The following PPP1R16A variants were observed in gnomAD, a reference collection of about 807,000 sequenced individuals.
PPP1R16A encodes the protein protein phosphatase 1 regulatory subunit 16A, also known as myosin phosphatase-targeting subunit 3.
PPP1R16A carries 39 observed loss-of-function variants against 46.6 expected under a neutral mutation model. The ratio of observed to expected loss-of-function variants is 0.84; its 90% CI spans 0.65 to 1.09. PPP1R16A has a LOEUF of 1.09. PPP1R16A is among the 50% of genes least tolerant of loss of function. The pLI is 0.00. For synonymous variants in PPP1R16A, 413 were observed against 321.5 expected (o/e 1.28, Z -3.04); for missense variants, 798 against 735.6 (o/e 1.08, Z -0.98).
At chr8:144,484,050 G>C (rs376009275) in intron 1 of PPP1R16A, among the ~76,000 whole-genome samples, 2 of 152,240 alleles carry the variant, frequency 1.3e-5, no homozygotes, top group Admixed American at 6.5e-5. Context: ...TGTCACCTGC[G>C]CCCTAGGTTG....
Position 144,499,314 on chromosome 8 carries a change from C to G in PPP1R16A, c.476+253C>G, listed in dbSNP as rs374196607. The stretch of plus-strand genomic sequence containing the variant: ...GAGAGGGCAGGCCTCGGGCCCCCCC[C>G]CAGAGTGTGCACAGAGAAATGTCTT... On this transcript the variant is annotated intron_variant, in intron 5 of 11. Transcript: ENST00000435887. 15 of 543,912 alleles carry G rather than the reference C, an allele frequency of 2.8e-5. 1 individual carries two copies. Among genetic ancestry groups the G allele is most frequent in the South Asian group, 8.3e-5 (3 of 36,280 alleles). The allele number at this position is 543,912 out of a possible 1,614,324, so 33.7% of individuals were successfully genotyped here.
rs747518192 is a variant in PPP1R16A, at chr8:144,500,088, C to G, written c.477-8C>G. ...TTGTGCCCAGCACCCCGTCCGTCTT[C>G]CCTGCAGTGGCGCCAATCTCCTGGC... On this transcript the variant is annotated splice_region_variant and splice_polypyrimidine_tract_variant and intron_variant, in intron 5 of 11. Transcript: ENST00000435887. 6.2e-7 allele frequency: 1 copy of G among 1,603,910 alleles called. No individual in the cohort carries two copies. Among genetic ancestry groups the G allele is most frequent in the South Asian group, 1.1e-5 (1 of 89,406 alleles).
In PPP1R16A at chr8:144,478,078, C is replaced by A; in HGVS notation, c.-963C>A. 2.5e-6 allele frequency: 1 copy of A among 395,818 alleles called. No individual in the cohort carries two copies. 24.5% of individuals were successfully genotyped at this position (395,818 alleles called of 1,614,324 possible). A position where few individuals can be genotyped will look rare whatever the true frequency, so the allele number is the denominator to read the frequency against. ...CTCAGGGAGCGCGGGGCCCACTGAC[C>A]CGCGGAAGCCAGCGGACCCACTTGT... On this transcript the variant is annotated 5_prime_UTR_variant, in exon 1 of 12. Coordinates refer to ENST00000435887, the MANE Select transcript of PPP1R16A (RefSeq NM_001329443.2).
rs753705080 is a variant in PPP1R16A, at chr8:144,500,707, G to C, written c.853G>C (p.Val285Leu). 13 of 1,611,546 alleles carry C rather than the reference G, an allele frequency of 8.1e-6. No individual in the cohort carries two copies. The Admixed American group carries it at 2.2e-4, about 27-fold the overall frequency. Residue 285 changes from valine to leucine, a missense_variant, in exon 9 of 12, where the codon GTG becomes CTG. By Grantham distance (32) the Val-to-Leu change is conservative. Coordinates refer to ENST00000435887, the MANE Select transcript of PPP1R16A (RefSeq NM_001329443.2). ...WGQVPLVELL[V>L]AHGADLNAKS... ...ACAGGTGCCCCTGGTGGAGCTGCTC[G>C]TGGCGCACGGGGCCGACCTGAACGC...
At chr8:144,495,297 G>A (rs867797742) in intron 2 of PPP1R16A, among the ~76,000 whole-genome samples, 1 of 152,002 alleles carries the variant, frequency 6.6e-6, no homozygotes, top group African/African-American at 2.4e-5. Context: ...AAAGAAGGGG[G>A]CATTCTATGA....
In PPP1R16A at chr8:144,501,125, C is replaced by T. The variant is rs764375709; in HGVS notation, c.1038-4C>T. On this transcript the variant is annotated splice_region_variant and splice_polypyrimidine_tract_variant and intron_variant, in intron 10 of 11. Transcript: ENST00000435887. ...CCTCACTCCCTCTCCTCTCTCCTCCCCAGGAAGGTGGTGAGGCGGGTGAGC... is the reference window on the plus strand; with the variant it reads ...CCTCACTCCCTCTCCTCTCTCCTCCTCAGGAAGGTGGTGAGGCGGGTGAGC... 58 of 1,610,588 alleles carry T rather than the reference C, an allele frequency of 3.6e-5. No individual in the cohort carries two copies. Among genetic ancestry groups the T allele is most frequent in the East Asian group, 6.7e-5 (3 of 44,862 alleles).
rs762290090 is a variant in PPP1R16A at position 144,501,133 on chromosome 8, G to A, written c.1042G>A (p.Val348Met). 64 of 1,610,858 alleles carry A rather than the reference G, an allele frequency of 4.0e-5. 1 individual carries two copies. Among genetic ancestry groups the A allele is most frequent in the Non-Finnish European group, 4.7e-5 (55 of 1,179,648 alleles). The change falls in exon 11 of 12, where the codon GTG becomes ATG. Residue 348 changes from valine to methionine, a missense_variant. By Grantham distance (21) the Val-to-Met change is conservative. Coordinates refer to ENST00000435887, the MANE Select transcript of PPP1R16A (RefSeq NM_001329443.2). ...CCTCTCCTCTCTCCTCCCCAGGAAG[G>A]TGGTGAGGCGGGTGAGCCTAACCCA... ...RTSSAGSRGK[V>M]VRRVSLTQRT... is the part of the protein sequence containing the mutation.
chr8:144,501,431 T>C, intron 11 of PPP1R16A, 89 bp from the exon 12 acceptor site: 2 of 1,480,928 alleles, frequency 1.4e-6, no homozygotes, highest in Non-Finnish European at 1.8e-6. Context: ...ATCTCTCCTG[T>C]CTGTCCCTTC....
chr8:144,487,554 AGAT>A (rs1351428416), intron 1 of PPP1R16A, among the ~76,000 whole-genome samples: 1 of 152,080 alleles, frequency 6.6e-6, no homozygotes, highest in Non-Finnish European at 1.5e-5. Context: ...AATTTTGTAG[AGAT>A]GAGAGTCTCC....
chr8:144,501,175 C>T lies in PPP1R16A; in HGVS notation c.1084C>T (p.Arg362Cys). 6.2e-7 allele frequency: 1 copy of T among 1,610,710 alleles called. No homozygotes were observed. The highest frequency in any genetic ancestry group is 1.1e-5 in the South Asian group (1 of 91,070). The change falls in exon 11 of 12, where the codon CGC becomes TGC. Residue 362 changes from arginine to cysteine, a missense_variant. By Grantham distance (180) the Arg-to-Cys change is radical. Transcript: ENST00000435887. The part of the protein sequence containing the change: ...VSLTQRTDLY[R>C]KQHAQEAIVW... ...CCTAACCCAGCGCACCGACCTGTAC[C>T]GCAAGCAGCACGCCCAGGAGGCCAT...
At chr8:144,479,554 C>A (rs888157606) in intron 1 of PPP1R16A, among the ~76,000 whole-genome samples, 1 of 152,132 alleles carries the variant, frequency 6.6e-6, no homozygotes, top group Admixed American at 6.5e-5. Flanking sequence ...GGGGCTCCTC[C>A]TGTATGACTG....
Position 144,497,228 on chromosome 8 carries a change from C to T in PPP1R16A, c.34C>T (p.Pro12Ser). The change falls in exon 3 of 12, where the codon CCC becomes TCC. Residue 12 changes from proline to serine, a missense_variant. Transcript: ENST00000435887. ...GCACCTGGAGCTGCTGGCAGAGATG[C>T]CCATGGTGGGCAGGATGAGCACACA... is the stretch of plus-strand genomic sequence containing the variant. ...AEHLELLAEM[P>S]MVGRMSTQER... is the part of the protein sequence containing the mutation. The T allele has an allele frequency of 6.3e-7, 1 of 1,597,558 alleles. No homozygotes were observed. Among genetic ancestry groups the T allele is most frequent in the African/African-American group, 1.3e-5 (1 of 74,702 alleles).
chr8:144,501,701 A>G lies in PPP1R16A; in HGVS notation c.1385A>G (p.Gln462Arg), dbSNP rs767736622. ...AHHTLADLKR[Q>R]RAAAKLQRPP... ...CACACCCTGGCTGACCTGAAGCGCC[A>G]GCGAGCTGCTGCCAAGCTGCAGCGA... is the stretch of plus-strand genomic sequence containing the variant. The change falls in exon 12 of 12, where the codon CAG becomes CGG. Residue 462 changes from glutamine (Q) to arginine (R), a missense_variant. Coordinates refer to ENST00000435887, the MANE Select transcript of PPP1R16A (RefSeq NM_001329443.2). 3 of 1,602,382 alleles carry G rather than the reference A, an allele frequency of 1.9e-6. No homozygotes were observed. Among genetic ancestry groups the G allele is most frequent in the South Asian group, 1.1e-5 (1 of 89,230 alleles).
At chr8:144,499,298 G>C (rs1321810939) in intron 5 of PPP1R16A, 1 of 567,318 alleles carries the variant, frequency 1.8e-6, no homozygotes, top group East Asian at 2.9e-5. Flanking sequence ...CGAGAGGGCA[G>C]GCCTCGGGCC....
At chr8:144,488,727 G>C (rs1335832707) in intron 1 of PPP1R16A, among the ~76,000 whole-genome samples, 1 of 152,068 alleles carries the variant, frequency 6.6e-6, no homozygotes, top group Non-Finnish European at 1.5e-5. Context: ...CTGGGTGGTT[G>C]GTGCCTGATG....
rs371202011 is a variant in PPP1R16A, at chr8:144,501,474, G to T, written c.1204-46G>T. On this transcript the variant is annotated intron_variant, in intron 11 of 11. Coordinates refer to ENST00000435887, the MANE Select transcript of PPP1R16A (RefSeq NM_001329443.2). The stretch of plus-strand genomic sequence containing the variant: ...TACAGCCTGAACCCAAGGCCAGGGA[G>T]GGGGGAGGAGCCTCCTGATGGCTCT... 155 of 1,490,190 alleles carry T rather than the reference G, an allele frequency of 1.0e-4. No individual in the cohort carries two copies. The East Asian group carries it at 1.9e-3, about 18-fold the overall frequency. 92.3% of individuals were successfully genotyped at this position (1,490,190 alleles called of 1,614,324 possible). A position where few individuals can be genotyped will look rare whatever the true frequency, so the allele number is the denominator to read the frequency against.
intron 1 of PPP1R16A, chr8:144,478,755 A>T (rs1355193320): frequency 6.6e-6 from 1 of 152,204 alleles, no homozygotes; most frequent in Non-Finnish European, 1.5e-5. Context: ...ACCCCTCAGG[A>T]ATTGGGATCA....
chr8:144,488,510 T>C (rs558161489), intron 1 of PPP1R16A, among the ~76,000 whole-genome samples: 3 of 150,290 alleles, frequency 2.0e-5, no homozygotes, highest in African/African-American at 7.4e-5. Flanking sequence ...GGGCAGAGAG[T>C]GGGATGTTGA....
chr8:144,495,609 TG>T (rs1321216985), intron 2 of PPP1R16A: 1 of 152,202 alleles, frequency 6.6e-6, no homozygotes, highest in Non-Finnish European at 1.5e-5. Flanking sequence ...CTATTTTTTT[TG>T]TATTTTTAGC....
Sources: gnomAD v4.1 joint callset for allele counts (sites outside exome capture counted in the v4.1 genomes callset) on GRCh38, gnomAD v4.1.1 for gene constraint, MANE v1.5 for transcripts, NCBI Gene and HGNC (gene_info 2026-07-23, HGNC 2026-07-21) for gene names.